HSD17B12: variants seen among roughly 807,000 people sequenced by gnomAD.
HSD17B12 encodes hydroxysteroid 17-beta dehydrogenase 12.
Under a neutral mutation model 39.3 loss-of-function variants are expected in HSD17B12, and 32 were observed. The observed-to-expected ratio is 0.81, with a 90% confidence interval of 0.61 to 1.09. HSD17B12 has a LOEUF of 1.09. Ranked by LOEUF, HSD17B12 falls within the 50% of genes least tolerant of loss-of-function variation. The pLI, the probability that HSD17B12 is intolerant of heterozygous loss-of-function variation, is 0.00. For missense variants in HSD17B12, 342 were observed against 382.9 expected (o/e 0.89, Z 0.89); for synonymous variants, 150 against 146.7 (o/e 1.02, Z -0.16).
At chr11:43,845,654 T>C (rs530583496) in intron 9 of HSD17B12, among the ~76,000 whole-genome samples, 9 of 152,182 alleles carry the variant, frequency 5.9e-5, no homozygotes, top group African/African-American at 2.2e-4. Context: ...ATATCACATA[T>C]GTATGTGATG....
chr11:43,619,172 TATATATATAAAATATATATATATATG>T, the HSD17B12 span, among the ~76,000 whole-genome samples: 48 of 79,202 alleles, frequency 6.1e-4, 1 homozygote, highest in Non-Finnish European at 8.5e-4. Context: ...ATGATATATA[TATATATATAAAATATATATATATATG>T]ATATATATAT....
At chr11:43,743,167 T>C (rs1223997112) in intron 1 of HSD17B12, among the ~76,000 whole-genome samples, 1 of 152,232 alleles carries the variant, frequency 6.6e-6, no homozygotes, top group African/African-American at 2.4e-5. Flanking sequence ...ATGTTTAGTA[T>C]CATTCTCAAC....
chr11:43,787,288 G>T lies in HSD17B12; in HGVS notation c.284-11032G>T, dbSNP rs541178104. On this transcript the variant is annotated intron_variant, in intron 3 of 10. Transcript: ENST00000278353. ...CTGAAAGTGTTGCAGAACAGATTGT[G>T]TATCAACTGCCTTTGCTTTTATTTT... 2.0e-5 allele frequency among the ~76,000 whole-genome samples: 3 copies of T among 152,198 alleles called. No homozygotes were observed. In the East Asian group the frequency reaches 5.8e-4, roughly 29 times the overall value.
the HSD17B12 span, among the ~76,000 whole-genome samples, chr11:43,558,107 G>T: frequency 1.3e-5 from 2 of 152,124 alleles, no homozygotes; most frequent in African/African-American, 4.8e-5. Flanking sequence ...GTTTTGACAG[G>T]GACTTCAAGG....
chr11:43,568,425 TA>T, the HSD17B12 span, among the ~76,000 whole-genome samples: 1 of 152,160 alleles, frequency 6.6e-6, no homozygotes, highest in Non-Finnish European at 1.5e-5. Flanking sequence ...GTTTTTTTTT[TA>T]ATTCAGCCCT....
intron 1 of HSD17B12, among the ~76,000 whole-genome samples, chr11:43,709,662 A>G (rs1399395284): frequency 6.6e-6 from 1 of 152,172 alleles, no homozygotes; most frequent in Non-Finnish European, 1.5e-5. Flanking sequence ...AATTTTTTAA[A>G]TTTTTTGAAC....
chr11:43,690,377 TA>T (rs1565049558), intron 1 of HSD17B12, among the ~76,000 whole-genome samples: 382 of 9,982 alleles, frequency 0.038, 44 homozygotes, highest in South Asian at 0.085. Flanking sequence ...TATATATATA[TA>T]TATATATATA....
At chr11:43,651,804 C>T in the HSD17B12 span, among the ~76,000 whole-genome samples, 35 of 152,242 alleles carry the variant, frequency 2.3e-4, no homozygotes, top group African/African-American at 8.4e-4. Flanking sequence ...GTCTTGAACT[C>T]CTGACCTCAA....
At chr11:43,811,183 C>T (rs533918064) in intron 4 of HSD17B12, among the ~76,000 whole-genome samples, 45 of 152,252 alleles carry the variant, frequency 3.0e-4, no homozygotes, top group African/African-American at 6.0e-4. Flanking sequence ...ATAAAATTGC[C>T]GTGGGTTTGC....
intron 1 of HSD17B12, among the ~76,000 whole-genome samples, chr11:43,712,590 C>G (rs893825269): frequency 2.0e-5 from 3 of 152,022 alleles, no homozygotes; most frequent in South Asian, 2.1e-4. Flanking sequence ...GTTTTCCTGC[C>G]CTTCCAGATC....
the HSD17B12 span, among the ~76,000 whole-genome samples, chr11:43,575,774 C>T: frequency 6.6e-6 from 1 of 152,238 alleles, no homozygotes; most frequent in Admixed American, 6.5e-5. This position sits in a 1 kb window ranked among gnomAD's most constrained non-coding sequence, Gnocchi z 4.1. Flanking sequence ...AGACTCAAGG[C>T]GGCTGCTCCG....
the HSD17B12 span, among the ~76,000 whole-genome samples, chr11:43,620,908 A>C: frequency 6.6e-6 from 1 of 152,232 alleles, no homozygotes; most frequent in African/African-American, 2.4e-5. Flanking sequence ...ATAATGTAGA[A>C]AGTATTGTTC....
At chr11:43,632,329 G>A in the HSD17B12 span, among the ~76,000 whole-genome samples, 2 of 152,208 alleles carry the variant, frequency 1.3e-5, no homozygotes, top group Non-Finnish European at 2.9e-5. Context: ...CTAATTGGGA[G>A]ATATTTTTTA....
the HSD17B12 span, among the ~76,000 whole-genome samples, chr11:43,658,505 T>A: frequency 3.9e-4 from 60 of 152,352 alleles, no homozygotes; most frequent in South Asian, 6.6e-3. Flanking sequence ...TGCTCTGTTT[T>A]TTCCCCATCT....
At chr11:43,588,801 A>G in the HSD17B12 span, among the ~76,000 whole-genome samples, 8 of 151,660 alleles carry the variant, frequency 5.3e-5, no homozygotes, top group African/African-American at 1.9e-4. Context: ...GCCCAGGATT[A>G]CCCTCTGGGA....
In HSD17B12 at chr11:43,733,907, T is replaced by C. The variant is rs539425738; in HGVS notation, c.161-17004T>C. ...TTCCATGGAGTACAGGACATTGTAG[T>C]AGGGGAAGGGACTCACTTTCTCATC... is the stretch of plus-strand genomic sequence containing the variant. On this transcript the variant is annotated intron_variant, in intron 1 of 10. Transcript: ENST00000278353. 5.5e-5 allele frequency: 38 copies of C among 687,712 alleles called. 1 individual carries two copies. The highest frequency in any genetic ancestry group is 3.9e-4 in the African/African-American group (22 of 56,842). The allele number at this position is 687,712 out of a possible 1,614,324, so 42.6% of individuals were successfully genotyped here. A position where few individuals can be genotyped will look rare whatever the true frequency, so the allele number is the denominator to read the frequency against.
intron 1 of HSD17B12, among the ~76,000 whole-genome samples, chr11:43,738,420 A>T (rs1950336152): frequency 6.6e-6 from 1 of 151,884 alleles, no homozygotes; most frequent in South Asian, 2.1e-4. Context: ...GTTCCCCGGA[A>T]ATCATCACCT....
At chr11:43,805,877 T>G (rs1951013484) in intron 4 of HSD17B12, among the ~76,000 whole-genome samples, 1 of 152,180 alleles carries the variant, frequency 6.6e-6, no homozygotes, top group Admixed American at 6.5e-5. Flanking sequence ...GGCTACAAAT[T>G]CTTGGGTTCG....
chr11:43,628,640 G>A, the HSD17B12 span, among the ~76,000 whole-genome samples: 1 of 151,868 alleles, frequency 6.6e-6, no homozygotes, highest in Non-Finnish European at 1.5e-5. Flanking sequence ...TGGTTTTGTG[G>A]CTCTATCTAA....
Sources: allele counts gnomAD v4.1 joint callset (sites outside exome capture counted in the v4.1 genomes callset), GRCh38; gene constraint gnomAD v4.1.1; non-coding constraint Gnocchi (gnomAD v3.1); transcripts MANE v1.5; gene names NCBI Gene and HGNC (gene_info 2026-07-23, HGNC 2026-07-21).